NCKAP5: variants seen among roughly 807,000 people sequenced by gnomAD.
NCKAP5 encodes nck-associated protein 5.
A neutral mutation model predicts 167.0 loss-of-function variants in NCKAP5; 92 were observed. The observed-to-expected ratio is 0.55, with a 90% CI of 0.47 to 0.66. NCKAP5 has a LOEUF of 0.66. NCKAP5 is among the 30% of genes least tolerant of loss of function. The pLI is 0.00. For missense variants in NCKAP5, 2,378 were observed against 2,315.0 expected, an observed-to-expected ratio of 1.03 and a Z score of -0.56; for synonymous variants, 891 against 877.4, an observed-to-expected ratio of 1.02 and a Z score of -0.27.
At chr2:133,152,242 C>G (rs947542198) in intron 5 of NCKAP5, among the ~76,000 whole-genome samples, 1 of 152,130 alleles carries the variant, frequency 6.6e-6, no homozygotes, top group African/African-American at 2.4e-5. Context: ...CAGACAATCT[C>G]GACAAAGTTA....
chr2:133,259,165 C>A (rs2088781323), intron 4 of NCKAP5, among the ~76,000 whole-genome samples: 1 of 152,066 alleles, frequency 6.6e-6, no homozygotes, highest in Non-Finnish European at 1.5e-5. Flanking sequence ...TCAGCTGATA[C>A]TCTCCTTCCC....
chr2:132,795,842 A>G lies in NCKAP5; in HGVS notation c.909+786T>C, dbSNP rs537477213. Among the ~76,000 whole-genome samples, 863 of 150,440 alleles carry G rather than the reference A, an allele frequency of 5.7e-3. 7 individuals are homozygous for G. The highest frequency in any genetic ancestry group is 0.017 in the Middle Eastern group (5 of 288). ...TCAGAAAAAAAAAAAAAAAAAACAA[A>G]AAAAACAAAAGAGAATGAAGCCCAG... is the stretch of plus-strand genomic sequence containing the variant. On this transcript the variant is annotated intron_variant, in intron 12 of 19. Transcript: ENST00000409261.
At chr2:132,949,641 T>C (rs1199694765) in intron 8 of NCKAP5, among the ~76,000 whole-genome samples, 10 of 152,188 alleles carry the variant, frequency 6.6e-5, no homozygotes, top group African/African-American at 2.4e-4. Flanking sequence ...ATCTTTTCAG[T>C]AGCCCTCATC....
At chr2:132,738,502 C>T (rs1267459038) in intron 16 of NCKAP5, among the ~76,000 whole-genome samples, 4 of 152,300 alleles carry the variant, frequency 2.6e-5, no homozygotes, top group African/African-American at 7.2e-5. Flanking sequence ...AGTCACGTTC[C>T]TGGGGCCATT....
intron 6 of NCKAP5, among the ~76,000 whole-genome samples, chr2:133,082,446 G>C (rs114350079): frequency 3.9e-5 from 6 of 152,082 alleles, no homozygotes; most frequent in Non-Finnish European, 8.8e-5. Context: ...GAAGTCACTC[G>C]TGCTTTTTCA....
chr2:133,615,203 A>T, the NCKAP5 span, among the ~76,000 whole-genome samples: 1 of 152,166 alleles, frequency 6.6e-6, no homozygotes, highest in East Asian at 1.9e-4. Flanking sequence ...TCATGCCAAA[A>T]TGTAAAGACC....
the NCKAP5 span, among the ~76,000 whole-genome samples, chr2:133,600,767 C>G: frequency 2.0e-5 from 3 of 152,206 alleles, no homozygotes; most frequent in African/African-American, 7.2e-5. Context: ...GTGCGAAGCT[C>G]CATCCCCGCT....
intron 3 of NCKAP5, among the ~76,000 whole-genome samples, chr2:133,331,238 G>T (rs1005499438): frequency 6.6e-6 from 1 of 152,060 alleles, no homozygotes; most frequent in African/African-American, 2.4e-5. Flanking sequence ...TTGTTGGCAG[G>T]TTTTAATAGT....
At chr2:132,883,779 G>C (rs2148832599) in intron 8 of NCKAP5, among the ~76,000 whole-genome samples, 1 of 152,342 alleles carries the variant, frequency 6.6e-6, no homozygotes, top group Non-Finnish European at 1.5e-5. Context: ...TGAAATTCAA[G>C]TGTTCTCTGT....
chr2:133,043,731 G>A (rs777553888), intron 6 of NCKAP5, among the ~76,000 whole-genome samples: 10 of 152,130 alleles, frequency 6.6e-5, no homozygotes, highest in South Asian at 2.1e-4. Context: ...GACTAAGTAC[G>A]TAATAAATGC....
At chr2:133,176,722 A>T (rs1208030090) in intron 5 of NCKAP5, among the ~76,000 whole-genome samples, 3 of 152,230 alleles carry the variant, frequency 2.0e-5, no homozygotes, top group Non-Finnish European at 2.9e-5. Context: ...CCATAATATC[A>T]TCTATATCTA....
intron 16 of NCKAP5, among the ~76,000 whole-genome samples, chr2:132,764,230 A>C (rs1263380646): frequency 6.6e-6 from 1 of 152,212 alleles, no homozygotes; most frequent in African/African-American, 2.4e-5. Context: ...AATGAAAAAC[A>C]TGGAGGGTGA....
At chr2:132,805,767 ATATTT>A (rs913046376) in intron 11 of NCKAP5, among the ~76,000 whole-genome samples, 2 of 151,804 alleles carry the variant, frequency 1.3e-5, no homozygotes, top group African/African-American at 4.8e-5. Flanking sequence ...ATTTAATTCA[ATATTT>A]TATTTTATTT....
intron 8 of NCKAP5, among the ~76,000 whole-genome samples, chr2:132,941,594 A>G (rs1276899817): frequency 6.6e-6 from 1 of 152,170 alleles, no homozygotes; most frequent in Non-Finnish European, 1.5e-5. Flanking sequence ...AACCAGGGAG[A>G]AGCACAGCTA....
chr2:133,039,649 G>C (rs2079149466), intron 6 of NCKAP5, among the ~76,000 whole-genome samples: 1 of 152,110 alleles, frequency 6.6e-6, no homozygotes, highest in Non-Finnish European at 1.5e-5. Context: ...CTAAACTTTT[G>C]AGATTATAAT....
At chr2:133,063,598 C>T (rs762323665) in intron 6 of NCKAP5, among the ~76,000 whole-genome samples, 2 of 152,194 alleles carry the variant, frequency 1.3e-5, no homozygotes, top group Non-Finnish European at 2.9e-5. Context: ...AAACTCATCA[C>T]ATTTTTTTTT....
At chr2:133,139,068 T>C (rs933966423) in intron 5 of NCKAP5, among the ~76,000 whole-genome samples, 4 of 152,206 alleles carry the variant, frequency 2.6e-5, no homozygotes, top group Admixed American at 1.3e-4. Flanking sequence ...TCTCTACATG[T>C]GCTCCTAGAC....
intron 5 of NCKAP5, among the ~76,000 whole-genome samples, chr2:133,202,020 A>G (rs2085716111): frequency 6.6e-6 from 1 of 152,178 alleles, no homozygotes; most frequent in Admixed American, 6.5e-5. Flanking sequence ...TTCTTCACAG[A>G]GTTGGAAAAA....
intron 5 of NCKAP5, among the ~76,000 whole-genome samples, chr2:133,159,796 G>T (rs1224063578): frequency 6.6e-6 from 1 of 152,152 alleles, no homozygotes; most frequent in Non-Finnish European, 1.5e-5. Flanking sequence ...GCACAAGCAA[G>T]TTGGAATGAC....
Sources: gnomAD v4.1 joint callset for allele counts (sites outside exome capture counted in the v4.1 genomes callset) on GRCh38, gnomAD v4.1.1 for gene constraint, MANE v1.5 for transcripts, NCBI Gene and HGNC (gene_info 2026-07-23, HGNC 2026-07-21) for gene names.